GGCT: variants seen among roughly 807,000 people sequenced by gnomAD.
The protein encoded by GGCT is gamma-glutamylcyclotransferase, also known as cytochrome c-releasing factor 21.
A neutral mutation model predicts 22.1 loss-of-function variants in GGCT; 20 were observed. The observed-to-expected ratio is 0.91, with a 90% CI of 0.64 to 1.32. The LOEUF (loss-of-function observed/expected upper bound fraction) is 1.32, where lower values mean the gene tolerates loss of function less well. GGCT is among the 40% of genes most tolerant of loss of function. GGCT has a pLI of 0.00. For synonymous variants in GGCT, 72 were observed against 78.4 expected (o/e 0.92, Z 0.43); for missense variants, 209 against 223.5 (o/e 0.94, Z 0.41).
chr7:30,499,790 A>G (rs984784115), intron 2 of GGCT, among the ~76,000 whole-genome samples: 4 of 151,652 alleles, frequency 2.6e-5, no homozygotes, highest in South Asian at 2.1e-4. Context: ...TACTCCTAAC[A>G]TAACTCTCTG....
chr7:30,498,026 T>TATATATATATATATAC lies in GGCT; in HGVS notation c.423+776_423+777insGTATATATATATATAT, dbSNP rs68111355. 91 of 219,450 alleles carry TATATATATATATATAC rather than the reference T, an allele frequency of 4.1e-4. 1 individual carries two copies. The highest frequency in any genetic ancestry group is 2.8e-4 in the Non-Finnish European group (30 of 108,322). 13.6% of individuals were successfully genotyped at this position (219,450 alleles called of 1,614,324 possible). On this transcript the variant is annotated intron_variant, in intron 3 of 3. Transcript: ENST00000275428. ...AAAAGCATATATATATATATATAGATACACACACACATATACATATATATA... is the reference window on the plus strand; with the variant it reads ...AAAAGCATATATATATATATATAGATATATATATATATATACACACACACACATATACATATATATA...
chr7:30,499,421 A>AT (rs938169072), intron 2 of GGCT, among the ~76,000 whole-genome samples: 1 of 150,956 alleles, frequency 6.6e-6, no homozygotes, highest in Non-Finnish European at 1.5e-5. Context: ...AAAAAAAAAA[A>AT]GGCCGGGTGC....
At chr7:30,504,162 A>G (rs369395140) in intron 1 of GGCT, among the ~76,000 whole-genome samples, 1 of 152,254 alleles carries the variant, frequency 6.6e-6, no homozygotes, top group African/African-American at 2.4e-5. Flanking sequence ...AAAGGCAGGT[A>G]AACGGATTTT....
Position 30,504,788 on chromosome 7 carries a change from C to T in GGCT, c.-79G>A. The T allele has an allele frequency of 6.9e-7, 1 of 1,446,072 alleles. No individual in the cohort carries two copies. The allele number at this position is 1,446,072 out of a possible 1,614,324, so 89.6% of individuals were successfully genotyped here. On this transcript the variant is annotated 5_prime_UTR_variant, in exon 1 of 4. Coordinates refer to ENST00000275428, the MANE Select transcript of GGCT (RefSeq NM_024051.4). ...AGAGCGCAACACTGGGGCCCACTAC[C>T]CCGGCGCAGTGACCGCCGCGCGGCA...
At chr7:30,497,260 C>CA (rs757178708) in intron 3 of GGCT, 25 bp from the exon 4 acceptor site, 23 of 1,559,976 alleles carry the variant, frequency 1.5e-5, no homozygotes, top group Non-Finnish European at 1.9e-5. Context: ...AACAAACAGA[C>CA]AAAAAAACCC....
chr7:30,498,569 G>C (rs745918267), intron 3 of GGCT, among the ~76,000 whole-genome samples: 2 of 151,952 alleles, frequency 1.3e-5, no homozygotes, highest in Non-Finnish European at 2.9e-5. Flanking sequence ...ACAGGTGCTC[G>C]CCACCACGGC....
At chr7:30,500,747 A>G (rs571153427) in intron 1 of GGCT, 66 bp from the exon 2 acceptor site, 1 of 1,365,570 alleles carries the variant, frequency 7.3e-7, no homozygotes. Flanking sequence ...CATCAAAATA[A>G]AAAGGATTTA....
intron 1 of GGCT, among the ~76,000 whole-genome samples, chr7:30,503,793 T>C (rs1013115696): frequency 6.8e-6 from 1 of 146,468 alleles, no homozygotes; most frequent in Non-Finnish European, 1.5e-5. Context: ...TTTTTTTTTT[T>C]TTTTTTTTTT....
chr7:30,502,786 T>C (rs996450059), intron 1 of GGCT, among the ~76,000 whole-genome samples: 1 of 152,224 alleles, frequency 6.6e-6, no homozygotes, highest in African/African-American at 2.4e-5. Context: ...TAGTTCAAGA[T>C]GCCATTCATT....
At position 30,504,805 on chromosome 7, in the gene GGCT, C is replaced by A. The variant is rs1041415130; in HGVS notation, c.-96G>T. On this transcript the variant is annotated 5_prime_UTR_variant, in exon 1 of 4. Coordinates refer to ENST00000275428, the MANE Select transcript of GGCT (RefSeq NM_024051.4). Reference sequence around the variant, plus strand: ...CCCACTACCCCGGCGCAGTGACCGCCGCGCGGCAGCCTCAGGGTTAGGGGA... The same window carrying A: ...CCCACTACCCCGGCGCAGTGACCGCAGCGCGGCAGCCTCAGGGTTAGGGGA... The A allele has an allele frequency of 2.4e-6, 3 of 1,273,086 alleles. No homozygotes were observed. The highest frequency in any genetic ancestry group is 3.4e-6 in the Non-Finnish European group (3 of 886,968). 78.9% of individuals were successfully genotyped at this position (1,273,086 alleles called of 1,614,324 possible).
In GGCT at chr7:30,504,762, G is replaced by C. The variant is rs972966202; in HGVS notation, c.-53C>G. The C allele has an allele frequency of 2.5e-6, 4 of 1,587,368 alleles. No homozygotes were observed. Among genetic ancestry groups the C allele is most frequent in the African/African-American group, 2.7e-5 (2 of 74,484 alleles). ...TGAAGCAGAGTGTAAGGAACGGCCAGAGAGCGCAACACTGGGGCCCACTAC... is the reference window on the plus strand; with the variant it reads ...TGAAGCAGAGTGTAAGGAACGGCCACAGAGCGCAACACTGGGGCCCACTAC... On this transcript the variant is annotated 5_prime_UTR_variant, in exon 1 of 4. Transcript: ENST00000275428.
chr7:30,504,549 G>T lies in GGCT; in HGVS notation c.141+20C>A, dbSNP rs370038471. 272 of 1,612,430 alleles carry T rather than the reference G, an allele frequency of 1.7e-4. 1 individual carries two copies. Among genetic ancestry groups the T allele is most frequent in the Non-Finnish European group, 2.2e-4 (264 of 1,179,668 alleles). The stretch of plus-strand genomic sequence containing the variant: ...GGGCATCCCGGCCCCGGCGTGGGTA[G>T]CGCGGGAGGGGGCACTCACCTGCAG... On this transcript the variant is annotated intron_variant, in intron 1 of 3. Coordinates refer to ENST00000275428, the MANE Select transcript of GGCT (RefSeq NM_024051.4).
At chr7:30,497,931 T>C in intron 3 of GGCT, 1 of 1,265,970 alleles carries the variant, frequency 7.9e-7, no homozygotes, top group Non-Finnish European at 1.0e-6. Context: ...GTAGAAAGTA[T>C]GTTTTTTTCC....
intron 3 of GGCT, chr7:30,498,006 C>CAG: frequency 5.3e-6 from 1 of 189,912 alleles, no homozygotes; most frequent in Non-Finnish European, 1.1e-5. Flanking sequence ...ATTACAAAAG[C>CAG]ATATATATAT....
At chr7:30,502,264 C>T (rs1221119027) in intron 1 of GGCT, among the ~76,000 whole-genome samples, 1 of 152,052 alleles carries the variant, frequency 6.6e-6, no homozygotes, top group Non-Finnish European at 1.5e-5. Flanking sequence ...TGTTTTAGCT[C>T]ATCAGCTATC....
In GGCT at chr7:30,504,753, G is replaced by A. The variant is rs373879654; in HGVS notation, c.-44C>T. ...ACTGGAGCCTGAAGCAGAGTGTAAG[G>A]AACGGCCAGAGAGCGCAACACTGGG... On this transcript the variant is annotated 5_prime_UTR_variant, in exon 1 of 4. Coordinates refer to ENST00000275428, the MANE Select transcript of GGCT (RefSeq NM_024051.4). 2.9e-4 allele frequency: 462 copies of A among 1,602,692 alleles called. No homozygotes were observed. Among genetic ancestry groups the A allele is most frequent in the Non-Finnish European group, 3.8e-4 (443 of 1,170,562 alleles).
intron 2 of GGCT, among the ~76,000 whole-genome samples, chr7:30,499,410 GA>G (rs879516798): frequency 2.7e-4 from 36 of 133,564 alleles, no homozygotes; most frequent in Middle Eastern, 3.9e-3. Flanking sequence ...ATCTCAAAAA[GA>G]AAAAAAAAAA....
At chr7:30,502,016 C>T (rs534571226) in intron 1 of GGCT, among the ~76,000 whole-genome samples, 10 of 152,332 alleles carry the variant, frequency 6.6e-5, no homozygotes, top group Middle Eastern at 3.4e-3. Flanking sequence ...CACTTCTCAG[C>T]GGAACATAGG....
intron 1 of GGCT, 65 bp downstream of exon 1, chr7:30,504,503 GC>G: frequency 6.4e-7 from 1 of 1,574,312 alleles, no homozygotes. Context: ...GGCCACGTGT[GC>G]CCCCGAGGAA....
Sources: gnomAD v4.1 joint callset for allele counts (sites outside exome capture counted in the v4.1 genomes callset) on GRCh38, gnomAD v4.1.1 for gene constraint, MANE v1.5 for transcripts, NCBI Gene and HGNC (gene_info 2026-07-23, HGNC 2026-07-21) for gene names.